The following ECPAS variants were observed in gnomAD, a reference collection of about 807,000 sequenced individuals.
ECPAS encodes Ecm29 proteasome adaptor and scaffold, also known as proteasome adapter and scaffold protein ECM29.
Under a neutral mutation model 255.1 loss-of-function variants are expected in ECPAS, and 70 were observed. The observed-to-expected ratio is 0.27, with a 90% CI of 0.23 to 0.33. The LOEUF (loss-of-function observed/expected upper bound fraction) is 0.33, where lower values mean the gene tolerates loss of function less well. Ranked by LOEUF, ECPAS falls within the 10% of genes least tolerant of loss-of-function variation. The probability of loss-of-function intolerance (pLI) is 1.00; values close to 1 mark genes in which losing one functional copy is unlikely to be tolerated. For missense variants in ECPAS, 1,817 were observed against 2,206.4 expected, an observed-to-expected ratio of 0.82 and a Z score of 3.54; for synonymous variants, 784 against 775.0, an observed-to-expected ratio of 1.01 and a Z score of -0.19.
At chr9:111,381,053 G>A (rs569871085) in intron 35 of ECPAS, among the ~76,000 whole-genome samples, 8 of 152,284 alleles carry the variant, frequency 5.3e-5, no homozygotes, top group South Asian at 4.1e-4. Flanking sequence ...TTTAAACTTC[G>A]TTTAAGAACA....
In ECPAS at chr9:111,362,182, AAAAAAAC is replaced by A. The variant is rs1564489864; in HGVS notation, c.5381-20_5381-14del. On this transcript the variant is annotated splice_polypyrimidine_tract_variant and intron_variant, in intron 49 of 49. Transcript: ENST00000684092. Reference sequence around the variant, plus strand: ...CACTGTTTAGATTCTGCATGAAAAAAAAAAAACAAAAACAAAAAAAACAAAAAACAAA... The same window carrying A: ...CACTGTTTAGATTCTGCATGAAAAAAAAAAACAAAAAAAACAAAAAACAAA... 1 of 1,548,376 alleles carries A rather than the reference AAAAAAAC, an allele frequency of 6.5e-7. No homozygotes were observed. The highest frequency in any genetic ancestry group is 8.6e-7 in the Non-Finnish European group (1 of 1,156,740).
At chr9:111,471,647 C>T (rs779254767) in intron 2 of ECPAS, among the ~76,000 whole-genome samples, 12 of 152,068 alleles carry the variant, frequency 7.9e-5, no homozygotes, top group Non-Finnish European at 1.6e-4. Flanking sequence ...ATCAAAAGAC[C>T]ATCTGATATC....
chr9:111,468,330 C>T (rs1336776492), intron 2 of ECPAS, among the ~76,000 whole-genome samples: 3 of 152,122 alleles, frequency 2.0e-5, no homozygotes, highest in African/African-American at 7.2e-5. Context: ...GATTCCAAAA[C>T]TACTAAGTGG....
intron 2 of ECPAS, among the ~76,000 whole-genome samples, chr9:111,467,202 G>C (rs1017778238): frequency 6.6e-6 from 1 of 151,706 alleles, no homozygotes; most frequent in Admixed American, 6.6e-5. Context: ...AAAAAGAGAA[G>C]AGAAAAAAGA....
intron 2 of ECPAS, among the ~76,000 whole-genome samples, chr9:111,468,452 G>A (rs10759498): frequency 0.41 from 62,842 of 151,910 alleles, 15,899 homozygotes; most frequent in African/African-American, 0.69. Context: ...CTAGACAACT[G>A]TATACGACGT....
chr9:111,411,697 AAGATCAGATG>A (rs1564526634), intron 21 of ECPAS: 1 of 219,764 alleles, frequency 4.6e-6, no homozygotes, highest in East Asian at 1.0e-4. Context: ...CTTAGTTTCC[AAGATCAGATG>A]AGATTAGGTG....
chr9:111,370,428 G>A lies in ECPAS; in HGVS notation c.4974+7C>T. 6.4e-7 allele frequency: 1 copy of A among 1,557,028 alleles called. No homozygotes were observed. Among genetic ancestry groups the A allele is most frequent in the South Asian group, 1.2e-5 (1 of 83,350 alleles). ...TAAACCAGAACTGAGGATACAGGTG[G>A]TATTACCTTCTTGATGAGAGGTATG... On this transcript the variant is annotated splice_region_variant and intron_variant, in intron 45 of 49. Transcript: ENST00000684092.
At chr9:111,412,933 ACTGT>A (rs1321932282) in intron 20 of ECPAS, among the ~76,000 whole-genome samples, 1 of 152,098 alleles carries the variant, frequency 6.6e-6, no homozygotes, top group African/African-American at 2.4e-5. Flanking sequence ...GATACAGAAA[ACTGT>A]ATGGGCCAAC....
At chr9:111,399,725 G>A (rs552685314) in intron 24 of ECPAS, among the ~76,000 whole-genome samples, 1 of 152,214 alleles carries the variant, frequency 6.6e-6, no homozygotes, top group Admixed American at 6.5e-5. Context: ...TAAAACAAAG[G>A]ACCAGGCAGA....
chr9:111,462,169 AT>A (rs759527423), intron 2 of ECPAS, among the ~76,000 whole-genome samples: 6 of 152,244 alleles, frequency 3.9e-5, no homozygotes, highest in Non-Finnish European at 7.3e-5. Flanking sequence ...GAATATTCTC[AT>A]TACCTCGAGA....
rs2098191464 is a variant in ECPAS, at chr9:111,410,064, G to A, written c.2527C>T (p.Pro843Ser). The change falls in exon 23 of 50, where the codon CCT becomes TCT. Residue 843 changes from proline (P) to serine (S), a missense_variant. Around this residue, in one of 4 missense-constraint regions of ECPAS, gnomAD observed 194 missense variants for 152.8 expected, o/e 1.27. Transcript: ENST00000684092. ...ACCTTATTTGTTTCTTTACTGGAAGGTATTCTACTTAGTAAGCTTTCTACA... is the reference window on the plus strand; with the variant it reads ...ACCTTATTTGTTTCTTTACTGGAAGATATTCTACTTAGTAAGCTTTCTACA... ...HLVESLLSRI[P>S]SSKETNKMKE... The A allele has an allele frequency of 6.4e-7, 1 of 1,571,624 alleles. No homozygotes were observed.
intron 38 of ECPAS, 111 bp from the exon 39 acceptor site, chr9:111,374,149 T>C: frequency 1.3e-6 from 1 of 765,766 alleles, no homozygotes; most frequent in Non-Finnish European, 2.3e-6. Flanking sequence ...TGAAGCCTAA[T>C]ACCCCCTCCA....
At chr9:111,441,560 A>C (rs1057352357) in intron 5 of ECPAS, among the ~76,000 whole-genome samples, 1 of 152,214 alleles carries the variant, frequency 6.6e-6, no homozygotes, top group Non-Finnish European at 1.5e-5. Flanking sequence ...AAAATCAATC[A>C]TATTAATATT....
At chr9:111,399,251 A>G (rs2418158) in intron 24 of ECPAS, among the ~76,000 whole-genome samples, 18,106 of 152,140 alleles carry the variant, frequency 0.12, 1,315 homozygotes, top group East Asian at 0.33. Flanking sequence ...CAGGAACATC[A>G]AACTGAACTA....
rs1030832191 is a variant in ECPAS at position 111,393,532 on chromosome 9, G to A, written c.2977+148C>T. 5.0e-6 allele frequency: 3 copies of A among 601,816 alleles called. No homozygotes were observed. The African/African-American group carries it at 5.7e-5, about 11-fold the overall frequency. 37.3% of individuals were successfully genotyped at this position (601,816 alleles called of 1,614,324 possible). A position where few individuals can be genotyped will look rare whatever the true frequency, so the allele number is the denominator to read the frequency against. On this transcript the variant is annotated intron_variant, in intron 27 of 49. Transcript: ENST00000684092. ...TTTGGTTTCTAAACATTAACATAATGCTTATCCTTACTACTAACAAATAAG... is the reference window on the plus strand; with the variant it reads ...TTTGGTTTCTAAACATTAACATAATACTTATCCTTACTACTAACAAATAAG...
At chr9:111,450,370 C>G (rs1421057878) in intron 3 of ECPAS, among the ~76,000 whole-genome samples, 1 of 152,166 alleles carries the variant, frequency 6.6e-6, no homozygotes, top group Non-Finnish European at 1.5e-5. Flanking sequence ...AAATATATGA[C>G]AAGAATGCCC....
intron 17 of ECPAS, among the ~76,000 whole-genome samples, chr9:111,417,348 A>G (rs921371252): frequency 2.6e-5 from 4 of 152,268 alleles, no homozygotes; most frequent in African/African-American, 9.6e-5. Context: ...GAAAGGAATT[A>G]TAAGTAATTC....
At chr9:111,400,003 C>A (rs118096584) in intron 24 of ECPAS, among the ~76,000 whole-genome samples, 3,443 of 152,332 alleles carry the variant, frequency 0.023, 40 homozygotes, top group South Asian at 0.042. Flanking sequence ...CTGCTGTGGC[C>A]ACAGGAGTGC....
Position 111,455,661 on chromosome 9 carries a change from C to T in ECPAS, c.23-4106G>A, listed in dbSNP as rs185311309. The stretch of plus-strand genomic sequence containing the variant: ...GCTGAACATCAGCTTCCCTTCAGGG[C>T]GGAATTTTGGTACATTTTAGGAAGA... On this transcript the variant is annotated intron_variant, in intron 2 of 49. Coordinates refer to ENST00000684092, the MANE Select transcript of ECPAS (RefSeq NM_001364929.1). 1.1e-4 allele frequency among the ~76,000 whole-genome samples: 16 copies of T among 152,290 alleles called. No individual in the cohort carries two copies. The East Asian group carries it at 2.1e-3, about 20-fold the overall frequency.
Sources: allele counts gnomAD v4.1 joint callset (sites outside exome capture counted in the v4.1 genomes callset), GRCh38; gene constraint gnomAD v4.1.1; regional missense constraint gnomAD v4.1.1; transcripts MANE v1.5; gene names NCBI Gene and HGNC (gene_info 2026-07-23, HGNC 2026-07-21).